Variants in ARHGAP39 observed in about 807,000 individuals in gnomAD.
ARHGAP39 encodes Rho GTPase activating protein 39.
In ARHGAP39, 44 loss-of-function variants were observed where a neutral mutation model predicts 106.9. That is an observed-to-expected ratio of 0.41 (90% confidence interval 0.32 to 0.53). The LOEUF (loss-of-function observed/expected upper bound fraction) is 0.53. Ranked by LOEUF, ARHGAP39 falls within the 20% of genes least tolerant of loss-of-function variation. The pLI is 0.21. For missense variants in ARHGAP39, 1,496 were observed against 1,577.3 expected, an observed-to-expected ratio of 0.95 and a Z score of 0.87; for synonymous variants, 768 against 693.2, an observed-to-expected ratio of 1.11 and a Z score of -1.69.
At chr8:144,537,885 C>A in intron 6 of ARHGAP39, 72 bp from the exon 7 acceptor site, 1 of 1,413,370 alleles carries the variant, frequency 7.1e-7, no homozygotes, top group East Asian at 2.3e-5. Flanking sequence ...AGCTCCCGCA[C>A]TTGGCTGGTG....
chr8:144,618,232 G>A (rs1820689755), intron 1 of ARHGAP39, among the ~76,000 whole-genome samples: 1 of 152,196 alleles, frequency 6.6e-6, no homozygotes, highest in Non-Finnish European at 1.5e-5. Context: ...CCTTGTCCCC[G>A]CCCTCTCCCA....
At position 144,556,925 on chromosome 8, in the gene ARHGAP39, A is replaced by C. The variant is rs75508749; in HGVS notation, c.513-1282T>G. On this transcript the variant is annotated intron_variant, in intron 3 of 11. Transcript: ENST00000377307. ...CAGAGGCAAAAGGCTGAACCTTCAT[A>C]GTATTCAGAGGCAAAAGGCTGAACC... 1.4e-5 allele frequency among the ~76,000 whole-genome samples: 2 copies of C among 138,446 alleles called. 1 individual carries two copies. The highest frequency in any genetic ancestry group is 1.4e-4 in the Admixed American group (2 of 14,610). The allele number at this position is 138,446 out of a possible 152,430, so 90.8% of individuals were successfully genotyped here.
In ARHGAP39 at chr8:144,547,352, G is replaced by C. The variant is rs752932412; in HGVS notation, c.1734C>G (p.Ser578=). 5 of 1,603,816 alleles carry C rather than the reference G, an allele frequency of 3.1e-6. No homozygotes were observed. The African/African-American group carries it at 6.7e-5, about 21-fold the overall frequency. The part of the protein sequence containing the change: ...FHMKQRSSWD[S]QQDGSGYESD... Reference sequence around the variant, plus strand: ...TCTCGTAGCCAGAGCCGTCCTGCTGGGAGTCCCAGCTGCTCCTCTGCTTCA... The same window carrying C: ...TCTCGTAGCCAGAGCCGTCCTGCTGCGAGTCCCAGCTGCTCCTCTGCTTCA... Residue 578 remains serine, a synonymous_variant, in exon 5 of 12, where the codon TCC becomes TCG. Transcript: ENST00000377307. The surrounding 1 kb of genome is among the most constrained non-coding windows in gnomAD (Gnocchi z 5.2).
intron 2 of ARHGAP39, among the ~76,000 whole-genome samples, chr8:144,589,771 G>A (rs1056090128): frequency 1.3e-5 from 2 of 152,232 alleles, no homozygotes; most frequent in Non-Finnish European, 2.9e-5. Context: ...CCACGACTCT[G>A]CCTCTGGTGT....
intron 4 of ARHGAP39, among the ~76,000 whole-genome samples, chr8:144,549,229 C>T (rs907263601): frequency 2.0e-4 from 31 of 152,388 alleles, no homozygotes; most frequent in African/African-American, 7.2e-4. Flanking sequence ...CCCCTGGCGG[C>T]CCAAGGTGGG....
At chr8:144,648,704 G>A (rs760187587) in intron 1 of ARHGAP39, among the ~76,000 whole-genome samples, 2 of 152,192 alleles carry the variant, frequency 1.3e-5, no homozygotes, top group Non-Finnish European at 2.9e-5. Flanking sequence ...TGAATCTCTT[G>A]AGGAACTTTT....
chr8:144,529,198 A>C lies in ARHGAP39; in HGVS notation c.*1224T>G. The C allele has an allele frequency of 3.0e-6, 1 of 333,042 alleles. No homozygotes were observed. The allele number at this position is 333,042 out of a possible 1,614,324, so 20.6% of individuals were successfully genotyped here. Reference sequence around the variant, plus strand: ...GACGCGCAGGGTCCATGTGCACTTTATTCACTCGTGTCGTCGCCTCTCGGG... The same window carrying C: ...GACGCGCAGGGTCCATGTGCACTTTCTTCACTCGTGTCGTCGCCTCTCGGG... On this transcript the variant is annotated 3_prime_UTR_variant, in exon 12 of 12. Transcript: ENST00000377307.
chr8:144,554,742 A>C (rs1185343015), intron 4 of ARHGAP39, among the ~76,000 whole-genome samples: 1 of 152,308 alleles, frequency 6.6e-6, no homozygotes, highest in East Asian at 1.9e-4. Flanking sequence ...GTCCTCTATC[A>C]AACAGCCACA....
chr8:144,530,644 A>AGGGGGGGGGGGGGGGGGGGGGGGGG, intron 11 of ARHGAP39, 28 bp from the exon 12 acceptor site: 1 of 189,582 alleles, frequency 5.3e-6, no homozygotes, highest in South Asian at 7.8e-5. Flanking sequence ...GTGGGCGCGG[A>AGGGGGGGGGGGGGGGGGGGGGGGGG]GGGGCGGGGG....
At chr8:144,534,749 G>A (rs1205483434) in intron 7 of ARHGAP39, among the ~76,000 whole-genome samples, 1 of 152,216 alleles carries the variant, frequency 6.6e-6, no homozygotes, top group East Asian at 1.9e-4. Flanking sequence ...CTGAAGGACT[G>A]AGGCAGCAAT....
chr8:144,531,014 C>T, intron 10 of ARHGAP39, 143 bp from the exon 11 acceptor site: 5 of 1,147,850 alleles, frequency 4.4e-6, no homozygotes, highest in Non-Finnish European at 6.0e-6. Context: ...CCCATCTGGC[C>T]AGGCTGGGCC....
intron 3 of ARHGAP39, among the ~76,000 whole-genome samples, chr8:144,561,052 T>C (rs1345787929): frequency 6.6e-6 from 1 of 152,282 alleles, no homozygotes; most frequent in African/African-American, 2.4e-5. Flanking sequence ...TTAAGACTAT[T>C]AGCCTTTTGG....
rs966174699 is a variant in ARHGAP39 at position 144,633,803 on chromosome 8, A to G, written c.-81-28108T>C. ...GGCTCACTCCTATCTCAGCCCCCAGAGCAGCCAGGACTACAGCGCGTACCA... is the reference window on the plus strand; with the variant it reads ...GGCTCACTCCTATCTCAGCCCCCAGGGCAGCCAGGACTACAGCGCGTACCA... On this transcript the variant is annotated intron_variant, in intron 1 of 11. Transcript: ENST00000377307. Among the ~76,000 whole-genome samples, 22 of 152,190 alleles carry G rather than the reference A, an allele frequency of 1.4e-4. 2 individuals carry two copies. Among genetic ancestry groups the G allele is most frequent in the Non-Finnish European group, 2.1e-4 (14 of 68,030 alleles).
At chr8:144,619,762 G>A (rs1188362168) in intron 1 of ARHGAP39, among the ~76,000 whole-genome samples, 1 of 151,126 alleles carries the variant, frequency 6.6e-6, no homozygotes, top group African/African-American at 2.4e-5. Flanking sequence ...CTCAGTGTGT[G>A]CCCGTGTGTG....
At chr8:144,573,265 T>C (rs1361595964) in intron 3 of ARHGAP39, among the ~76,000 whole-genome samples, 1 of 152,160 alleles carries the variant, frequency 6.6e-6, no homozygotes, top group Non-Finnish European at 1.5e-5. Context: ...CACCATGGAA[T>C]ACTATGCAGC....
chr8:144,680,481 T>C (rs1229135445), intron 1 of ARHGAP39, among the ~76,000 whole-genome samples: 4 of 152,136 alleles, frequency 2.6e-5, no homozygotes, highest in African/African-American at 9.7e-5. Flanking sequence ...TGACCCCTGG[T>C]CTGGAGTACG....
intron 1 of ARHGAP39, among the ~76,000 whole-genome samples, chr8:144,682,514 A>G (rs2129771564): frequency 6.8e-6 from 1 of 146,524 alleles, no homozygotes; most frequent in Non-Finnish European, 1.5e-5. Context: ...ACGCCACTGC[A>G]CTCCAGCCTG....
At chr8:144,659,235 G>A (rs552557043) in intron 1 of ARHGAP39, among the ~76,000 whole-genome samples, 7 of 152,210 alleles carry the variant, frequency 4.6e-5, no homozygotes, top group Non-Finnish European at 8.8e-5. Flanking sequence ...TAGATAACCA[G>A]CAACATGCTG....
chr8:144,623,810 C>T (rs1439879667), intron 1 of ARHGAP39, among the ~76,000 whole-genome samples: 6 of 152,136 alleles, frequency 3.9e-5, no homozygotes, highest in Non-Finnish European at 5.9e-5. Flanking sequence ...TCAAATGCAC[C>T]GCCCAGAATC....
Sources: gnomAD v4.1 joint callset for allele counts (sites outside exome capture counted in the v4.1 genomes callset) on GRCh38, gnomAD v4.1.1 for gene constraint, Gnocchi (gnomAD v3.1) non-coding constraint, MANE v1.5 for transcripts, NCBI Gene and HGNC (gene_info 2026-07-23, HGNC 2026-07-21) for gene names.